The following CRTC1 variants were observed in gnomAD, a reference collection of about 807,000 sequenced individuals.
CRTC1 encodes the protein CREB-regulated transcription coactivator 1.
Under a neutral mutation model 66.1 loss-of-function variants are expected in CRTC1, and 18 were observed. The observed-to-expected ratio is 0.27, with a 90% CI of 0.19 to 0.40. The LOEUF (loss-of-function observed/expected upper bound fraction) is 0.40. Ranked by LOEUF, CRTC1 falls within the 10% of genes least tolerant of loss-of-function variation. The pLI is 1.00. For synonymous variants in CRTC1, 416 were observed against 398.8 expected (o/e 1.04, Z -0.51); for missense variants, 669 against 887.9 (o/e 0.75, Z 3.13).
At position 18,742,717 on chromosome 19, in the gene CRTC1, C is replaced by T. The variant is rs534211339; in HGVS notation, c.127-193C>T. Among the ~76,000 whole-genome samples the T allele has an allele frequency of 2.6e-5, 4 of 152,352 alleles. No individual in the cohort carries two copies. In the East Asian group the frequency reaches 7.7e-4, roughly 29 times the overall value. On this transcript the variant is annotated intron_variant, in intron 1 of 13. Coordinates refer to ENST00000321949, the MANE Select transcript of CRTC1 (RefSeq NM_015321.3). ...CGCCTGGGGAGCCGTCCCGGCACCTCGGGTTTCTGATTCTGCCATTTTTGG... is the reference window on the plus strand; with the variant it reads ...CGCCTGGGGAGCCGTCCCGGCACCTTGGGTTTCTGATTCTGCCATTTTTGG...
intron 1 of CRTC1, among the ~76,000 whole-genome samples, chr19:18,728,605 A>G (rs971848231): frequency 1.3e-4 from 20 of 151,638 alleles, no homozygotes; most frequent in Admixed American, 1.2e-3. Flanking sequence ...TCCTGGTTTC[A>G]AGTGACTCTC....
chr19:18,760,092 C>A lies in CRTC1; in HGVS notation c.750C>A (p.Thr250=), dbSNP rs2054580690. The part of the protein sequence containing the change: ...HNTGGSLPDL[T]NIHFPSPLPT... ...CAGGGGGGTCCCTGCCCGACCTGAC[C>A]AACATCCACTTCCCCTCCCCGCTCC... Residue 250 remains threonine, a synonymous_variant, in exon 8 of 14, where the codon ACC becomes ACA. Coordinates refer to ENST00000321949, the MANE Select transcript of CRTC1 (RefSeq NM_015321.3). This position sits in a 1 kb window ranked among gnomAD's most constrained non-coding sequence, Gnocchi z 6.2. The A allele has an allele frequency of 6.2e-7, 1 of 1,613,908 alleles. No homozygotes were observed. Among genetic ancestry groups the A allele is most frequent in the Non-Finnish European group, 8.5e-7 (1 of 1,179,884 alleles).
intron 5 of CRTC1, among the ~76,000 whole-genome samples, chr19:18,751,710 G>A (rs910108860): frequency 6.6e-6 from 1 of 152,058 alleles, no homozygotes; most frequent in Admixed American, 6.6e-5. Context: ...TCACGGGGCC[G>A]CTGCTGCCAT....
At chr19:18,709,238 C>T (rs2053334869) in intron 1 of CRTC1, among the ~76,000 whole-genome samples, 1 of 152,144 alleles carries the variant, frequency 6.6e-6, no homozygotes, top group African/African-American at 2.4e-5. Flanking sequence ...CAGGGCCTCC[C>T]AGCCTGGTGC....
In CRTC1 at chr19:18,781,407, G is replaced by A. The variant is rs1469426336; in HGVS notation, c.*4025G>A. On this transcript the variant is annotated 3_prime_UTR_variant, in exon 14 of 14. Transcript: ENST00000321949. ...CGGCATGTGATTTGGGGGTCCCTGGGACATTCTCCCGTCAGCTCCACCTGA... is the reference window on the plus strand; with the variant it reads ...CGGCATGTGATTTGGGGGTCCCTGGAACATTCTCCCGTCAGCTCCACCTGA... The A allele has an allele frequency of 1.3e-5, 3 of 230,324 alleles. No homozygotes were observed. Among genetic ancestry groups the A allele is most frequent in the Non-Finnish European group, 2.6e-5 (3 of 116,334 alleles). The allele number at this position is 230,324 out of a possible 1,614,324, so 14.3% of individuals were successfully genotyped here. A position where few individuals can be genotyped will look rare whatever the true frequency, so the allele number is the denominator to read the frequency against.
intron 1 of CRTC1, among the ~76,000 whole-genome samples, chr19:18,717,957 C>T (rs1472699302): frequency 6.6e-6 from 1 of 152,104 alleles, no homozygotes; most frequent in Non-Finnish European, 1.5e-5. Context: ...GCCTGGGCAG[C>T]CCCGTCACGG....
At chr19:18,715,997 G>C (rs532444727) in intron 1 of CRTC1, among the ~76,000 whole-genome samples, 2 of 151,578 alleles carry the variant, frequency 1.3e-5, no homozygotes, top group Non-Finnish European at 2.9e-5. Context: ...AGCGGTTGGC[G>C]GGGGGGGTGT....
At chr19:18,707,287 A>G (rs377462625) in intron 1 of CRTC1, among the ~76,000 whole-genome samples, 66 of 152,320 alleles carry the variant, frequency 4.3e-4, no homozygotes, top group African/African-American at 1.6e-3. Context: ...ATATGGTGTT[A>G]GATCAGGGCA....
At chr19:18,756,115 C>A (rs1233308948) in intron 6 of CRTC1, among the ~76,000 whole-genome samples, 2 of 152,022 alleles carry the variant, frequency 1.3e-5, no homozygotes, top group Non-Finnish European at 2.9e-5. Context: ...TGGTGGATCA[C>A]CTGAGGTCAG....
rs748698668 is a variant in CRTC1, at chr19:18,743,015, C to T, written c.232C>T (p.Leu78=). The T allele has an allele frequency of 1.2e-5, 20 of 1,612,474 alleles. No individual in the cohort carries two copies. The highest frequency in any genetic ancestry group is 1.7e-5 in the Non-Finnish European group (20 of 1,179,250). ...CCAGATCGGGAGTGGCACCATGGAC[C>T]TGCCCTTCCAGGTGAGTGCCCCGCC... The part of the protein sequence containing the change: ...VNQIGSGTMD[L]PFQTPFQSSG... Residue 78 remains leucine (L), a synonymous_variant, in exon 2 of 14, where the codon CTG becomes TTG. Transcript: ENST00000321949.
chr19:18,718,592 C>T (rs188415501), intron 1 of CRTC1, among the ~76,000 whole-genome samples: 1 of 152,098 alleles, frequency 6.6e-6, no homozygotes, highest in African/African-American at 2.4e-5. Context: ...ATCTTCCCTC[C>T]TCCGCCTCCC....
rs2055021953 is a variant in CRTC1, at chr19:18,777,595, A to G, written c.*213A>G. The G allele has an allele frequency of 2.0e-6, 1 of 491,944 alleles. No homozygotes were observed. The highest frequency in any genetic ancestry group is 3.6e-6 in the Non-Finnish European group (1 of 281,086). The allele number at this position is 491,944 out of a possible 1,614,324, so 30.5% of individuals were successfully genotyped here. On this transcript the variant is annotated 3_prime_UTR_variant, in exon 14 of 14. Transcript: ENST00000321949. The surrounding 1 kb of genome is among the most constrained non-coding windows in gnomAD (Gnocchi z 5.5). ...GGGCCGTCCACCCACCCGCCCGCCC[A>G]GGGCTGGGCTGGGATCGGAGGCCGT...
rs553016689 is a variant in CRTC1 at position 18,757,473 on chromosome 19, G to T, written c.625-2078G>T. ...CTTGGAGGCTGCCCTGCTACCCTAC[G>T]GTGTCCTCACAGCCAGAGCCAGACC... On this transcript the variant is annotated intron_variant, in intron 6 of 13. Transcript: ENST00000321949. Among the ~76,000 whole-genome samples the T allele has an allele frequency of 3.3e-5, 5 of 152,280 alleles. 1 individual carries two copies. In the South Asian group the frequency reaches 1.0e-3, roughly 32 times the overall value.
At chr19:18,708,554 G>A (rs1023845881) in intron 1 of CRTC1, among the ~76,000 whole-genome samples, 1 of 152,188 alleles carries the variant, frequency 6.6e-6, no homozygotes, top group Non-Finnish European at 1.5e-5. Context: ...AGGGGCTGCT[G>A]GGCTGGAGGA....
At chr19:18,759,965 G>GTCCCCCCCACCACCCCCC in intron 7 of CRTC1, 43 bp from the exon 8 acceptor site, 1 of 1,002,752 alleles carries the variant, frequency 1.0e-6, no homozygotes, top group Non-Finnish European at 1.4e-6. Context: ...CGCCAGCCCC[G>GTCCCCCCCACCACCCCCC]CCCCATGAGC....
At chr19:18,711,586 C>T (rs910771629) in intron 1 of CRTC1, among the ~76,000 whole-genome samples, 6 of 152,196 alleles carry the variant, frequency 3.9e-5, no homozygotes, top group Non-Finnish European at 8.8e-5. Flanking sequence ...CGGCCGGCCA[C>T]GCTCCTGCTC....
chr19:18,776,099 A>G (rs1012704202), intron 13 of CRTC1, among the ~76,000 whole-genome samples: 1 of 152,182 alleles, frequency 6.6e-6, no homozygotes, highest in African/African-American at 2.4e-5. Flanking sequence ...CTGTCTGGCC[A>G]AGCAGCCCGG....
At position 18,725,796 on chromosome 19, in the gene CRTC1, C is replaced by T. The variant is rs60443752; in HGVS notation, c.127-17114C>T. Among the ~76,000 whole-genome samples the T allele has an allele frequency of 9.0e-3, 1,373 of 152,302 alleles. 31 individuals are homozygous for T. The highest frequency in any genetic ancestry group is 0.032 in the African/African-American group (1,319 of 41,558). On this transcript the variant is annotated intron_variant, in intron 1 of 13. Transcript: ENST00000321949. ...CCCCCAACACAGCCTGCATGGTCTC[C>T]CTCTCCTGGCTTACAGGGTCCGCCT...
rs976310524 is a variant in CRTC1 at position 18,781,865 on chromosome 19, G to A, written c.*4483G>A. 4.3e-6 allele frequency: 1 copy of A among 230,746 alleles called. No homozygotes were observed. 14.3% of individuals were successfully genotyped at this position (230,746 alleles called of 1,614,324 possible). A position where few individuals can be genotyped will look rare whatever the true frequency, so the allele number is the denominator to read the frequency against. Reference sequence around the variant, plus strand: ...GTGGCATGTGTTGGGGTCGGGGGATGGCCCCCATCTCGAAGTGTTCTGGAA... The same window carrying A: ...GTGGCATGTGTTGGGGTCGGGGGATAGCCCCCATCTCGAAGTGTTCTGGAA... On this transcript the variant is annotated 3_prime_UTR_variant, in exon 14 of 14. Coordinates refer to ENST00000321949, the MANE Select transcript of CRTC1 (RefSeq NM_015321.3).
Sources: gnomAD v4.1 joint callset for allele counts (sites outside exome capture counted in the v4.1 genomes callset) on GRCh38, gnomAD v4.1.1 for gene constraint, Gnocchi (gnomAD v3.1) non-coding constraint, MANE v1.5 for transcripts, NCBI Gene and HGNC (gene_info 2026-07-23, HGNC 2026-07-21) for gene names.